Variants in TESK2 observed in about 807,000 individuals in gnomAD.
The protein encoded by TESK2 is dual specificity testis-specific protein kinase 2.
In TESK2, 39 loss-of-function variants were observed where a neutral mutation model predicts 57.1. The ratio of observed to expected loss-of-function variants is 0.68; its 90% CI spans 0.53 to 0.89. TESK2 has a LOEUF of 0.89. TESK2 is among the 40% of genes least tolerant of loss of function. The pLI is 0.00. For synonymous variants in TESK2, 249 were observed against 267.9 expected (o/e 0.93, Z 0.69); for missense variants, 646 against 732.1 (o/e 0.88, Z 1.36).
intron 2 of TESK2, among the ~76,000 whole-genome samples, chr1:45,446,574 C>A (rs1448638436): frequency 6.6e-6 from 1 of 151,644 alleles, no homozygotes; most frequent in Admixed American, 6.6e-5. Flanking sequence ...ATTCCAGATC[C>A]TAGAGAAAGA....
chr1:45,490,584 C>T (rs1416369926), intron 1 of TESK2, among the ~76,000 whole-genome samples: 1 of 152,018 alleles, frequency 6.6e-6, no homozygotes, highest in Non-Finnish European at 1.5e-5. Flanking sequence ...ATCCCTAATG[C>T]GAGCGAGGTA....
intron 1 of TESK2, among the ~76,000 whole-genome samples, chr1:45,485,675 C>T (rs924355834): frequency 3.3e-5 from 5 of 151,750 alleles, no homozygotes; most frequent in Non-Finnish European, 7.4e-5. Flanking sequence ...CAGGCCACCT[C>T]ACCCAGCTAA....
intron 2 of TESK2, among the ~76,000 whole-genome samples, chr1:45,454,795 C>T (rs1335992901): frequency 6.6e-6 from 1 of 152,098 alleles, no homozygotes; most frequent in Non-Finnish European, 1.5e-5. Context: ...GACATATATA[C>T]ACAATGCAAT....
Position 45,345,342 on chromosome 1 carries a change from C to A in TESK2, c.1214G>T (p.Arg405Leu). 1 of 1,614,002 alleles carries A rather than the reference C, an allele frequency of 6.2e-7. No homozygotes were observed. Among genetic ancestry groups the A allele is most frequent in the Non-Finnish European group, 8.5e-7 (1 of 1,180,026 alleles). Residue 405 changes from arginine to leucine, a missense_variant, in exon 11 of 11, where the codon CGC (arginine) becomes CTC (leucine). Transcript: ENST00000372086. The part of the protein sequence containing the change: ...RTPKVNPFSA[R>L]QDLMGGKIKF... The stretch of plus-strand genomic sequence containing the variant: ...GATCTTGCCCCCCATGAGGTCCTGG[C>A]GAGCACTAAAAGGGTTGACTTTGGG...
chr1:45,421,483 T>G (rs1317845576), intron 3 of TESK2, among the ~76,000 whole-genome samples: 3 of 152,302 alleles, frequency 2.0e-5, no homozygotes, highest in South Asian at 2.1e-4. Flanking sequence ...GAGCTGCTAC[T>G]AATGTTCTAA....
At chr1:45,398,067 C>G (rs1010478220) in intron 3 of TESK2, among the ~76,000 whole-genome samples, 3 of 152,050 alleles carry the variant, frequency 2.0e-5, no homozygotes, top group Non-Finnish European at 4.4e-5. Flanking sequence ...ACCATCTCAC[C>G]TGGCTAATTT....
rs1211768565 is a variant in TESK2, at chr1:45,344,483, A to T, written c.*357T>A. 4.2e-6 allele frequency: 1 copy of T among 236,354 alleles called. No homozygotes were observed. The highest frequency in any genetic ancestry group is 5.1e-5 in the Admixed American group (1 of 19,582). The allele number at this position is 236,354 out of a possible 1,614,324, so 14.6% of individuals were successfully genotyped here. ...CTTATATGCCCCAAGAAAAGGCAAG[A>T]GACAGACCTGGGGTGGGGAAAGAAC... On this transcript the variant is annotated 3_prime_UTR_variant, in exon 11 of 11. Coordinates refer to ENST00000372086, the MANE Select transcript of TESK2 (RefSeq NM_007170.3).
intron 3 of TESK2, among the ~76,000 whole-genome samples, chr1:45,406,204 A>G (rs1649840658): frequency 6.6e-6 from 1 of 152,170 alleles, no homozygotes; most frequent in South Asian, 2.1e-4. Flanking sequence ...GCACTCCAAC[A>G]TGGACAACAG....
At chr1:45,378,810 G>A (rs1322902856) in intron 4 of TESK2, among the ~76,000 whole-genome samples, 2 of 152,218 alleles carry the variant, frequency 1.3e-5, no homozygotes, top group Non-Finnish European at 2.9e-5. Flanking sequence ...TGTGTATCAA[G>A]TGAATCTCTA....
chr1:45,474,460 C>CT (rs201307631), intron 1 of TESK2, among the ~76,000 whole-genome samples: 133 of 148,856 alleles, frequency 8.9e-4, no homozygotes, highest in Middle Eastern at 6.9e-3. Context: ...GACCCCATCT[C>CT]TTTTTTTTTT....
At chr1:45,446,181 T>A (rs1408500171) in intron 2 of TESK2, among the ~76,000 whole-genome samples, 1 of 151,682 alleles carries the variant, frequency 6.6e-6, no homozygotes, top group African/African-American at 2.4e-5. Flanking sequence ...TTTTTTTTTT[T>A]TAGACAGGGT....
intron 2 of TESK2, among the ~76,000 whole-genome samples, chr1:45,436,208 G>T: frequency 2.0e-4 from 4 of 20,450 alleles, no homozygotes; most frequent in Non-Finnish European, 3.1e-4. Context: ...TTTTTGAGAT[G>T]GAGACTCACT....
intron 1 of TESK2, among the ~76,000 whole-genome samples, chr1:45,467,469 C>T (rs1652600734): frequency 6.6e-6 from 1 of 151,764 alleles, no homozygotes; most frequent in South Asian, 2.1e-4. Flanking sequence ...CTCAGCCTCC[C>T]TAGAGGCACG....
At chr1:45,361,955 T>G (rs1647706969) in intron 4 of TESK2, among the ~76,000 whole-genome samples, 1 of 152,126 alleles carries the variant, frequency 6.6e-6, no homozygotes, top group South Asian at 2.1e-4. Context: ...CTGGGCAACA[T>G]AGCAAGACCC....
intron 2 of TESK2, among the ~76,000 whole-genome samples, chr1:45,443,738 T>C (rs1488935044): frequency 6.6e-6 from 1 of 152,200 alleles, no homozygotes; most frequent in Admixed American, 6.6e-5. Flanking sequence ...ACCACTGATA[T>C]ACTTTTTATT....
chr1:45,375,310 A>G (rs1053677248), intron 4 of TESK2, among the ~76,000 whole-genome samples: 10 of 151,270 alleles, frequency 6.6e-5, no homozygotes, highest in Admixed American at 4.6e-4. Context: ...CAGTCACATC[A>G]CCCACCTTGG....
intron 4 of TESK2, among the ~76,000 whole-genome samples, chr1:45,385,708 G>GTATATATATATATATATA (rs1485375534): frequency 8.1e-6 from 1 of 123,454 alleles, no homozygotes; most frequent in African/African-American, 3.5e-5. Context: ...GTGTGTGTGT[G>GTATATATATATATATATA]TGTATATATA....
At chr1:45,454,392 C>T (rs1243740395) in intron 2 of TESK2, among the ~76,000 whole-genome samples, 1 of 151,796 alleles carries the variant, frequency 6.6e-6, no homozygotes, top group Non-Finnish European at 1.5e-5. Flanking sequence ...TAATTAAATA[C>T]TGTTAAGATA....
chr1:45,484,041 G>T lies in TESK2; in HGVS notation c.-87+6811C>A, dbSNP rs542979952. Among the ~76,000 whole-genome samples, 53 of 150,266 alleles carry T rather than the reference G, an allele frequency of 3.5e-4. 1 individual carries two copies. The highest frequency in any genetic ancestry group is 6.9e-4 in the Non-Finnish European group (47 of 67,690). On this transcript the variant is annotated intron_variant, in intron 1 of 10. Transcript: ENST00000372086. The stretch of plus-strand genomic sequence containing the variant: ...TATACTTGGATTTTCTACCGCACAG[G>T]GGTTGGCTTCCCAACCCCTGTTTTG...
Sources: allele counts gnomAD v4.1 joint callset (sites outside exome capture counted in the v4.1 genomes callset), GRCh38; gene constraint gnomAD v4.1.1; transcripts MANE v1.5; gene names NCBI Gene and HGNC (gene_info 2026-07-23, HGNC 2026-07-21).